Variants in IQSEC1 observed in about 807,000 individuals in gnomAD.
IQSEC1 encodes the protein IQ motif and SEC7 domain-containing protein 1.
Under a neutral mutation model 91.0 loss-of-function variants are expected in IQSEC1, and 31 were observed. That is an observed-to-expected ratio of 0.34 (90% CI 0.26 to 0.46). The LOEUF (loss-of-function observed/expected upper bound fraction) is 0.46, where lower values mean the gene tolerates loss of function less well. Among genes scored for constraint, IQSEC1 ranks in the 20% least tolerant of loss-of-function variants. The pLI, the probability that IQSEC1 is intolerant of heterozygous loss-of-function variation, is 1.00. For missense variants in IQSEC1, 1,388 were observed against 1,575.6 expected, an observed-to-expected ratio of 0.88 and a Z score of 2.02; for synonymous variants, 699 against 662.6, an observed-to-expected ratio of 1.05 and a Z score of -0.84.
chr3:13,239,644 TACTG>T (rs1694986589), intron 1 of IQSEC1, among the ~76,000 whole-genome samples: 1 of 152,184 alleles, frequency 6.6e-6, no homozygotes, highest in African/African-American at 2.4e-5. Context: ...GCACCCCACT[TACTG>T]AGGACAAACC....
At chr3:12,910,538 G>A (rs1295050798) in intron 10 of IQSEC1, among the ~76,000 whole-genome samples, 5 of 152,250 alleles carry the variant, frequency 3.3e-5, no homozygotes, top group Non-Finnish European at 7.3e-5. Context: ...TGGGACCAAG[G>A]CAAGGCATGA....
At chr3:12,934,952 C>T (rs1019922247) in intron 3 of IQSEC1, among the ~76,000 whole-genome samples, 1 of 151,804 alleles carries the variant, frequency 6.6e-6, no homozygotes, top group African/African-American at 2.4e-5. Context: ...CCTGAGCACT[C>T]CTACCCCCAG....
chr3:12,905,783 G>A (rs11128625), intron 12 of IQSEC1, among the ~76,000 whole-genome samples: 6 of 152,364 alleles, frequency 3.9e-5, no homozygotes, highest in South Asian at 2.1e-4. Context: ...GGTCCTCTCC[G>A]TAAGGACTCA....
chr3:13,202,921 C>G (rs141163278), intron 1 of IQSEC1, among the ~76,000 whole-genome samples: 190 of 152,306 alleles, frequency 1.2e-3, no homozygotes, highest in African/African-American at 4.1e-3. Flanking sequence ...ATGCTACATG[C>G]AGCACCTTGT....
chr3:13,230,116 C>T (rs1223698423), intron 1 of IQSEC1, among the ~76,000 whole-genome samples: 2 of 152,132 alleles, frequency 1.3e-5, no homozygotes, highest in Non-Finnish European at 2.9e-5. Flanking sequence ...AGTGATGATT[C>T]CAGCCATTTA....
chr3:13,225,406 A>G lies in IQSEC1; in HGVS notation c.272+57305T>C, dbSNP rs567607691. Among the ~76,000 whole-genome samples, 47 of 152,344 alleles carry G rather than the reference A, an allele frequency of 3.1e-4. 1 individual carries two copies. The South Asian group carries it at 9.5e-3, about 31-fold the overall frequency. Reference sequence around the variant, plus strand: ...GAATGCATGACATGAAGTCACCTCAAGATGTGATTGTATGCGATTCTGTTA... The same window carrying G: ...GAATGCATGACATGAAGTCACCTCAGGATGTGATTGTATGCGATTCTGTTA... On this transcript the variant is annotated intron_variant, in intron 1 of 15. Transcript: ENST00000648114.
chr3:12,992,380 T>G lies in IQSEC1; in HGVS notation c.24-50515A>C, dbSNP rs1241897980. On this transcript the variant is annotated intron_variant, in intron 1 of 13. Transcript: ENST00000613206. This position sits in a 1 kb window ranked among gnomAD's most constrained non-coding sequence, Gnocchi z 4.1. ...GAGGAGATGGCACCGCTAAGGCAAT[T>G]TCTCTTCTTTCCCCTTAAATCTGGT... Among the ~76,000 whole-genome samples the G allele has an allele frequency of 6.6e-6, 1 of 151,262 alleles. No homozygotes were observed. The highest frequency in any genetic ancestry group is 1.5e-5 in the Non-Finnish European group (1 of 67,728).
intron 13 of IQSEC1, 61 bp from the exon 14 acceptor site, chr3:12,901,583 ATTT>A: frequency 5.8e-6 from 7 of 1,208,058 alleles, no homozygotes; most frequent in Non-Finnish European, 7.9e-6. Context: ...GGTCAGAATG[ATTT>A]TTTTTTTTCA....
intron 2 of IQSEC1, among the ~76,000 whole-genome samples, chr3:13,113,955 A>G (rs1706294885): frequency 6.6e-6 from 1 of 152,264 alleles, no homozygotes; most frequent in Non-Finnish European, 1.5e-5. Flanking sequence ...ACGTGCTGGG[A>G]GCACAGAGCC....
At chr3:13,218,082 C>T (rs17037906) in intron 1 of IQSEC1, among the ~76,000 whole-genome samples, 26,702 of 152,136 alleles carry the variant, frequency 0.18, 3,226 homozygotes, top group East Asian at 0.33. Flanking sequence ...CTGGCAGCTC[C>T]GGCATTCTAG....
At chr3:12,902,947 CACCT>C in intron 12 of IQSEC1, 125 bp from the exon 13 acceptor site, 1 of 744,024 alleles carries the variant, frequency 1.3e-6, no homozygotes, top group East Asian at 2.7e-5. Flanking sequence ...GTGCCGGGCC[CACCT>C]GCCCGCAGGA....
chr3:12,932,063 C>G (rs886417041), intron 3 of IQSEC1, among the ~76,000 whole-genome samples: 2 of 152,224 alleles, frequency 1.3e-5, no homozygotes, highest in Non-Finnish European at 2.9e-5. Context: ...TCACCTGTGA[C>G]ATGGTCACCT....
intron 2 of IQSEC1, among the ~76,000 whole-genome samples, chr3:13,125,468 G>C (rs901566635): frequency 2.0e-5 from 3 of 152,212 alleles, no homozygotes; most frequent in African/African-American, 7.2e-5. Flanking sequence ...CGGAGCAGGC[G>C]GTGGTGGCAG....
intron 1 of IQSEC1, among the ~76,000 whole-genome samples, chr3:13,176,686 AG>A (rs1388508737): frequency 6.6e-6 from 1 of 152,196 alleles, no homozygotes; most frequent in Non-Finnish European, 1.5e-5. Context: ...ACCACACCAA[AG>A]CACAGAGCTG....
chr3:12,997,024 A>G (rs771227909), intron 1 of IQSEC1, among the ~76,000 whole-genome samples: 80 of 152,250 alleles, frequency 5.3e-4, no homozygotes, highest in Non-Finnish European at 1.5e-4. Flanking sequence ...AAATACAAGG[A>G]CAGACAACAC....
intron 1 of IQSEC1, among the ~76,000 whole-genome samples, chr3:13,012,980 T>TTTTTTTTTTTTTTTTA (rs369486023): frequency 6.7e-6 from 1 of 149,498 alleles, no homozygotes; most frequent in African/African-American, 2.5e-5. Context: ...TTTTTTTTTT[T>TTTTTTTTTTTTTTTTA]GAGACAGTCT....
At chr3:13,059,190 C>A (rs1704981293) in intron 1 of IQSEC1, among the ~76,000 whole-genome samples, 1 of 152,156 alleles carries the variant, frequency 6.6e-6, no homozygotes, top group Non-Finnish European at 1.5e-5. Context: ...TCCCATAGGG[C>A]TCTCCTTACA....
chr3:13,255,628 G>C (rs1695272252), intron 1 of IQSEC1, among the ~76,000 whole-genome samples: 1 of 151,044 alleles, frequency 6.6e-6, no homozygotes, highest in Admixed American at 6.6e-5. Flanking sequence ...TTTTTTTTTT[G>C]TTCTTAGAGA....
chr3:13,125,058 C>G (rs1271048887), intron 2 of IQSEC1, among the ~76,000 whole-genome samples: 1 of 152,186 alleles, frequency 6.6e-6, no homozygotes, highest in East Asian at 1.9e-4. Flanking sequence ...ACAGCACCAC[C>G]CTTCTGCCTG....
Sources: allele counts gnomAD v4.1 joint callset (sites outside exome capture counted in the v4.1 genomes callset), GRCh38; gene constraint gnomAD v4.1.1; non-coding constraint Gnocchi (gnomAD v3.1); transcripts MANE v1.5; gene names NCBI Gene and HGNC (gene_info 2026-07-23, HGNC 2026-07-21).